Variants in GABRB2 observed in about 807,000 individuals in gnomAD.
GABRB2 encodes gamma-aminobutyric acid type A receptor subunit beta2, also known as gamma-aminobutyric acid receptor subunit beta-2.
A neutral mutation model predicts 54.7 loss-of-function variants in GABRB2; 16 were observed. The observed-to-expected ratio is 0.29, with a 90% CI of 0.20 to 0.44. The LOEUF (loss-of-function observed/expected upper bound fraction) is 0.44, where lower values mean the gene tolerates loss of function less well. Among genes scored for constraint, GABRB2 ranks in the 20% least tolerant of loss-of-function variants. The probability of loss-of-function intolerance (pLI) is 1.00; values close to 1 mark genes in which losing one functional copy is unlikely to be tolerated. For synonymous variants in GABRB2, 244 were observed against 233.8 expected (o/e 1.04, Z -0.40); for missense variants, 355 against 644.0 (o/e 0.55, Z 4.86).
At chr5:161,516,792 CCAA>C (rs1343586580) in intron 3 of GABRB2, among the ~76,000 whole-genome samples, 2 of 152,112 alleles carry the variant, frequency 1.3e-5, no homozygotes, top group South Asian at 2.1e-4. Context: ...TTCAAACAAT[CCAA>C]CAACAAGGTA....
intron 3 of GABRB2, among the ~76,000 whole-genome samples, chr5:161,501,672 T>C (rs145957168): frequency 6.6e-6 from 1 of 152,238 alleles, no homozygotes; most frequent in African/African-American, 2.4e-5. Context: ...GATTATCTTT[T>C]AGGTGTATTG....
At chr5:161,300,872 T>C (rs1002328705) in intron 9 of GABRB2, among the ~76,000 whole-genome samples, 10 of 152,196 alleles carry the variant, frequency 6.6e-5, no homozygotes, top group African/African-American at 2.4e-4. Flanking sequence ...AGCTGGAGAC[T>C]GACCACAGTC....
intron 5 of GABRB2, among the ~76,000 whole-genome samples, chr5:161,403,955 G>A (rs948023775): frequency 2.0e-5 from 3 of 151,966 alleles, no homozygotes; most frequent in Non-Finnish European, 4.4e-5. Flanking sequence ...CTTTACTAGG[G>A]GAAAGAACAC....
At chr5:161,454,051 A>G (rs535621290) in intron 4 of GABRB2, among the ~76,000 whole-genome samples, 9 of 151,292 alleles carry the variant, frequency 5.9e-5, no homozygotes, top group Non-Finnish European at 1.3e-4. Context: ...AAAAAAAAGC[A>G]CTATTCATAA....
intron 2 of GABRB2, among the ~76,000 whole-genome samples, chr5:161,546,115 C>T (rs533075852): frequency 6.6e-6 from 1 of 152,352 alleles, no homozygotes; most frequent in South Asian, 2.1e-4. Context: ...TTTGAGTACA[C>T]ACTAAGAGGG....
At chr5:161,498,284 C>T (rs1447769798) in intron 3 of GABRB2, among the ~76,000 whole-genome samples, 1 of 151,832 alleles carries the variant, frequency 6.6e-6, no homozygotes, top group African/African-American at 2.4e-5. Context: ...ATTAACTCTC[C>T]TGGATATTTT....
chr5:161,445,716 C>T (rs998331838), intron 4 of GABRB2, among the ~76,000 whole-genome samples: 1 of 152,116 alleles, frequency 6.6e-6, no homozygotes, highest in Non-Finnish European at 1.5e-5. Context: ...CTCTTTCAAC[C>T]AATTGCCAAT....
chr5:161,366,871 C>G (rs941458125), intron 5 of GABRB2, among the ~76,000 whole-genome samples: 1 of 152,110 alleles, frequency 6.6e-6, no homozygotes, highest in Non-Finnish European at 1.5e-5. Flanking sequence ...TCGCTTGAAC[C>G]TGGAAGGCAA....
intron 4 of GABRB2, among the ~76,000 whole-genome samples, chr5:161,445,137 G>C (rs1757580235): frequency 6.6e-6 from 1 of 152,056 alleles, no homozygotes; most frequent in Non-Finnish European, 1.5e-5. Context: ...ATAAACAGTT[G>C]GGGAAAAAGC....
At chr5:161,430,626 T>C (rs553091540) in intron 4 of GABRB2, among the ~76,000 whole-genome samples, 1 of 152,238 alleles carries the variant, frequency 6.6e-6, no homozygotes, top group East Asian at 1.9e-4. Flanking sequence ...TAACATGCTA[T>C]CATGACCATT....
chr5:161,293,978 C>G lies in GABRB2; in HGVS notation c.*103G>C. The G allele has an allele frequency of 1.1e-6, 1 of 880,012 alleles. No individual in the cohort carries two copies. Among genetic ancestry groups the G allele is most frequent in the Non-Finnish European group, 1.8e-6 (1 of 569,552 alleles). The allele number at this position is 880,012 out of a possible 1,614,324, so 54.5% of individuals were successfully genotyped here. ...TAGGCCAGCAACTAAGGTATTTTAG[C>G]GTCACTTTTGTCCTGGATTGATGTG... On this transcript the variant is annotated 3_prime_UTR_variant, in exon 10 of 10. Coordinates refer to ENST00000393959, the MANE Select transcript of GABRB2 (RefSeq NM_001371727.1).
intron 5 of GABRB2, among the ~76,000 whole-genome samples, chr5:161,350,265 T>A (rs1414385574): frequency 6.6e-6 from 1 of 152,076 alleles, no homozygotes; most frequent in Non-Finnish European, 1.5e-5. Context: ...TGTCCCAGTT[T>A]GCAGATGATA....
intron 5 of GABRB2, among the ~76,000 whole-genome samples, chr5:161,370,154 C>T (rs943731967): frequency 6.6e-6 from 1 of 152,050 alleles, no homozygotes; most frequent in Admixed American, 6.6e-5. Context: ...TGGGATATGA[C>T]CTTGTCAAGA....
At chr5:161,532,569 CA>C in intron 3 of GABRB2, among the ~76,000 whole-genome samples, 1 of 152,060 alleles carries the variant, frequency 6.6e-6, no homozygotes, top group Non-Finnish European at 1.5e-5. Context: ...AATGTATACT[CA>C]ACATTTTATT....
chr5:161,531,831 A>G (rs1760472997), intron 3 of GABRB2, among the ~76,000 whole-genome samples: 1 of 152,034 alleles, frequency 6.6e-6, no homozygotes, highest in Non-Finnish European at 1.5e-5. Context: ...TCTATTTCAG[A>G]TATGTTTGAT....
At chr5:161,434,125 C>T (rs537863448) in intron 4 of GABRB2, among the ~76,000 whole-genome samples, 59 of 152,214 alleles carry the variant, frequency 3.9e-4, no homozygotes, top group African/African-American at 1.3e-3. Flanking sequence ...ACAAAATGTG[C>T]ACCCAGGTAT....
intron 3 of GABRB2, among the ~76,000 whole-genome samples, chr5:161,460,396 G>A (rs1013613392): frequency 6.6e-6 from 1 of 152,152 alleles, no homozygotes; most frequent in Non-Finnish European, 1.5e-5. Flanking sequence ...GCATGGGCCA[G>A]GCACAGTGGT....
At chr5:161,339,924 C>T (rs1251653363) in intron 5 of GABRB2, among the ~76,000 whole-genome samples, 1 of 151,550 alleles carries the variant, frequency 6.6e-6, no homozygotes, top group Non-Finnish European at 1.5e-5. Context: ...ACCATTAGGA[C>T]ATAAAAAATA....
chr5:161,366,911 G>A (rs1252765768), intron 5 of GABRB2, among the ~76,000 whole-genome samples: 1 of 152,146 alleles, frequency 6.6e-6, no homozygotes, highest in Non-Finnish European at 1.5e-5. Context: ...TCGCACCAAT[G>A]CACTCCAGCC....
Sources: gnomAD v4.1 joint callset for allele counts (sites outside exome capture counted in the v4.1 genomes callset) on GRCh38, gnomAD v4.1.1 for gene constraint, MANE v1.5 for transcripts, NCBI Gene and HGNC (gene_info 2026-07-23, HGNC 2026-07-21) for gene names.